Variants in HPN observed in about 807,000 individuals in gnomAD.
HPN encodes the protein hepsin.
A neutral mutation model predicts 55.9 loss-of-function variants in HPN; 13 were observed. The ratio of observed to expected loss-of-function variants is 0.23; its 90% CI spans 0.15 to 0.37. HPN has a LOEUF of 0.37. Ranked by LOEUF, HPN falls within the 10% of genes least tolerant of loss-of-function variation. The probability of loss-of-function intolerance (pLI) is 1.00; values close to 1 mark genes in which losing one functional copy is unlikely to be tolerated. For synonymous variants in HPN, 225 were observed against 240.3 expected (o/e 0.94, Z 0.59); for missense variants, 451 against 575.8 (o/e 0.78, Z 2.22).
intron 4 of HPN, among the ~76,000 whole-genome samples, chr19:35,058,234 C>T (rs2064478292): frequency 1.3e-5 from 2 of 150,650 alleles, no homozygotes; most frequent in Admixed American, 6.6e-5. Flanking sequence ...AACTGGAGTG[C>T]AGTGGCACGA....
In HPN at chr19:35,046,953, C is replaced by T. The variant is rs370757717; in HGVS notation, c.17-2337C>T. On this transcript the variant is annotated intron_variant, in intron 2 of 12. Transcript: ENST00000672452. ...AAGCCATTCTCCTGCCTCAGCCTCCCGAGTAGCTGGGATTACAGGTGCCTG... is the reference window on the plus strand; with the variant it reads ...AAGCCATTCTCCTGCCTCAGCCTCCTGAGTAGCTGGGATTACAGGTGCCTG... Among the ~76,000 whole-genome samples, 263 of 152,236 alleles carry T rather than the reference C, an allele frequency of 1.7e-3. 1 individual carries two copies. The highest frequency in any genetic ancestry group is 6.0e-3 in the African/African-American group (248 of 41,532).
At chr19:35,060,261 A>G in intron 7 of HPN, 86 bp from the exon 8 acceptor site, 1 of 1,605,292 alleles carries the variant, frequency 6.2e-7, no homozygotes, top group Non-Finnish European at 8.5e-7. Context: ...GTACTTTCAG[A>G]CCCCCTAGGG....
intron 4 of HPN, among the ~76,000 whole-genome samples, chr19:35,051,170 G>A (rs984055743): frequency 6.6e-5 from 10 of 151,974 alleles, no homozygotes; most frequent in African/African-American, 2.2e-4. Flanking sequence ...GTGCTGTGGC[G>A]CGATCTTGGC....
intron 4 of HPN, among the ~76,000 whole-genome samples, chr19:35,057,689 C>T (rs2064469905): frequency 6.6e-6 from 1 of 151,888 alleles, no homozygotes; most frequent in East Asian, 1.9e-4. Flanking sequence ...TAGTTAATAA[C>T]AATATATTAT....
intron 2 of HPN, among the ~76,000 whole-genome samples, chr19:35,046,352 C>T (rs942268036): frequency 3.9e-5 from 6 of 151,976 alleles, no homozygotes; most frequent in Non-Finnish European, 7.4e-5. Flanking sequence ...TCAAGCGATT[C>T]TCCTGCCTCA....
chr19:35,049,851 A>ATTT (rs1185797905), intron 4 of HPN, among the ~76,000 whole-genome samples: 1 of 125,902 alleles, frequency 7.9e-6, no homozygotes, highest in Non-Finnish European at 1.6e-5. Flanking sequence ...GGTTATGCTA[A>ATTT]TTTTTGTTTG....
Position 35,041,827 on chromosome 19 carries a change from C to T in HPN, c.-100C>T. 2.2e-6 allele frequency: 3 copies of T among 1,342,790 alleles called. No homozygotes were observed. Among genetic ancestry groups the T allele is most frequent in the Non-Finnish European group, 2.9e-6 (3 of 1,017,900 alleles). The allele number at this position is 1,342,790 out of a possible 1,614,324, so 83.2% of individuals were successfully genotyped here. On this transcript the variant is annotated 5_prime_UTR_variant, in exon 1 of 13. Coordinates refer to ENST00000672452, the MANE Select transcript of HPN (RefSeq NM_001384133.1). ...TGCCCAGGCCTGGAGACTGACCCGA[C>T]CCCGGCACTACCTCGAGGCTCCGCC...
intron 2 of HPN, among the ~76,000 whole-genome samples, chr19:35,044,746 G>A (rs969106704): frequency 1.3e-5 from 2 of 152,190 alleles, no homozygotes; most frequent in African/African-American, 4.8e-5. Context: ...GACTTAAGCT[G>A]TCTGGGGGGT....
At chr19:35,040,874 C>G (rs2064286411), upstream of HPN, among the ~76,000 whole-genome samples, 1 of 152,148 alleles carries the variant, frequency 6.6e-6, no homozygotes, top group Non-Finnish European at 1.5e-5. Flanking sequence ...TGGCTGGGCA[C>G]AGCGGGCACG....
chr19:35,043,942 C>T (rs912721622), intron 2 of HPN, among the ~76,000 whole-genome samples: 1 of 152,224 alleles, frequency 6.6e-6, no homozygotes, highest in Non-Finnish European at 1.5e-5. Context: ...CCGGGCTGGT[C>T]TTGGAGGGGA....
chr19:35,040,742 GAGA>G (rs945400300), upstream of HPN, among the ~76,000 whole-genome samples: 16 of 152,292 alleles, frequency 1.1e-4, no homozygotes, highest in Non-Finnish European at 2.2e-4. Flanking sequence ...GGGCGCTGGG[GAGA>G]AGGAGAGGGA....
Position 35,042,502 on chromosome 19 carries a change from G to T in HPN, c.-5G>T. ...GCCAGGGAATCATTAACAAGAGGCA[G>T]TGACATGGCGCAGAAGGAGGGTGAG... On this transcript the variant is annotated 5_prime_UTR_variant, in exon 2 of 13. Transcript: ENST00000672452. The T allele has an allele frequency of 6.2e-7, 1 of 1,609,596 alleles. No homozygotes were observed. Among genetic ancestry groups the T allele is most frequent in the South Asian group, 1.1e-5 (1 of 89,856 alleles).
chr19:35,045,498 G>A (rs540935955), intron 2 of HPN, among the ~76,000 whole-genome samples: 6 of 152,228 alleles, frequency 3.9e-5, no homozygotes, highest in East Asian at 3.9e-4. Context: ...TGGTGGAGGC[G>A]GAAGAACTGA....
rs761919154 is a variant in HPN, at chr19:35,066,321, C to G, written c.*34C>G. ...TTCTCGCTGCGCAGCCTCCAGGGCC[C>G]GAGGTGATCCCGGTGGTGGGATCCA... On this transcript the variant is annotated 3_prime_UTR_variant, in exon 13 of 13. Transcript: ENST00000672452. The G allele has an allele frequency of 3.8e-6, 6 of 1,596,308 alleles. No individual in the cohort carries two copies. In the South Asian group the frequency reaches 4.5e-5, roughly 12 times the overall value.
intron 9 of HPN, among the ~76,000 whole-genome samples, chr19:35,062,146 G>A (rs137907926): frequency 1.4e-3 from 210 of 152,242 alleles, no homozygotes; most frequent in African/African-American, 4.9e-3. Context: ...GAAAAGAAAT[G>A]TCTAGAATAG....
chr19:35,059,482 TA>T (rs748650123), intron 4 of HPN, 190 bp from the exon 5 acceptor site: 27,700 of 459,496 alleles, frequency 0.06, no homozygotes, highest in East Asian at 0.075. Flanking sequence ...ACCCTGTCTT[TA>T]AAAAAAAAAA....
At chr19:35,049,221 G>A in intron 2 of HPN, 69 bp from the exon 3 acceptor site, 1 of 1,175,170 alleles carries the variant, frequency 8.5e-7, no homozygotes, top group Admixed American at 2.7e-5. Context: ...GGCAGAGCTG[G>A]CCTCGGGCCC....
chr19:35,064,318 G>GTCTC (rs10577478), intron 9 of HPN, among the ~76,000 whole-genome samples: 17,178 of 150,282 alleles, frequency 0.11, 955 homozygotes, highest in East Asian at 0.17. Context: ...AGATAGGAGT[G>GTCTC]TCTCTCTCTC....
intron 8 of HPN, 47 bp from the exon 9 acceptor site, chr19:35,060,580 G>A (rs371460150): frequency 8.1e-6 from 13 of 1,611,950 alleles, no homozygotes; most frequent in African/African-American, 8.0e-5. Flanking sequence ...GGAGGAGGGC[G>A]GATTGTGCCC....
Sources: allele counts gnomAD v4.1 joint callset (sites outside exome capture counted in the v4.1 genomes callset), GRCh38; gene constraint gnomAD v4.1.1; transcripts MANE v1.5; gene names NCBI Gene and HGNC (gene_info 2026-07-23, HGNC 2026-07-21).